ZFP64: variants seen among roughly 807,000 people sequenced by gnomAD.
ZFP64 encodes the protein zinc finger protein 64.
ZFP64 carries 14 observed loss-of-function variants against 51.6 expected under a neutral mutation model. The ratio of observed to expected loss-of-function variants is 0.27; its 90% CI spans 0.18 to 0.42. The LOEUF is 0.42. Ranked by LOEUF, ZFP64 falls within the 10% of genes least tolerant of loss-of-function variation. The pLI is 1.00. For missense variants in ZFP64, 754 were observed against 906.8 expected, an observed-to-expected ratio of 0.83 and a Z score of 2.16; for synonymous variants, 375 against 361.4, an observed-to-expected ratio of 1.04 and a Z score of -0.43.
At chr20:52,173,063 CT>C (rs1202749339) in intron 2 of ZFP64, among the ~76,000 whole-genome samples, 5 of 152,116 alleles carry the variant, frequency 3.3e-5, no homozygotes. Context: ...TCTGTGGAGT[CT>C]TAGGGCTCAC....
chr20:52,115,313 C>T (rs1333619264), intron 5 of ZFP64, among the ~76,000 whole-genome samples: 3 of 150,414 alleles, frequency 2.0e-5, no homozygotes, highest in African/African-American at 7.3e-5. Context: ...ATATATAGAT[C>T]TAAACACATA....
intron 5 of ZFP64, among the ~76,000 whole-genome samples, chr20:52,116,283 G>T (rs542889306): frequency 3.8e-4 from 57 of 151,742 alleles, no homozygotes; most frequent in South Asian, 1.0e-3. Context: ...TTACAGGCAT[G>T]CATCACCACG....
intron 5 of ZFP64, among the ~76,000 whole-genome samples, chr20:52,104,286 G>A (rs961594554): frequency 2.6e-5 from 4 of 152,212 alleles, no homozygotes; most frequent in Non-Finnish European, 5.9e-5. Flanking sequence ...AATTTGGCGA[G>A]CGAGAAAAGG....
chr20:52,185,965 A>C (rs965300412), intron 2 of ZFP64, among the ~76,000 whole-genome samples: 3 of 152,180 alleles, frequency 2.0e-5, no homozygotes, highest in African/African-American at 7.2e-5. Flanking sequence ...TATATGCCAC[A>C]AATTTTTCCC....
chr20:52,145,003 T>G (rs751065936), intron 5 of ZFP64, among the ~76,000 whole-genome samples: 3 of 152,138 alleles, frequency 2.0e-5, no homozygotes, highest in Non-Finnish European at 2.9e-5. Context: ...AAAAAGAGTA[T>G]CAGCCAAGAT....
exon 9 of ZFP64, chr20:52,084,966 A>T: frequency 6.2e-7 from 1 of 1,613,942 alleles, no homozygotes. Flanking sequence ...GTGCACGCGC[A>T]GGGCGGCCGC....
chr20:52,088,417 G>C (rs6096740), exon 8 of ZFP64: 1 of 1,612,048 alleles, frequency 6.2e-7, no homozygotes, highest in South Asian at 1.1e-5. Context: ...GGTGGACGGT[G>C]AGCTGGCTGG....
intron 5 of ZFP64, chr20:52,105,327 C>T (rs1344575631): frequency 3.2e-6 from 4 of 1,252,084 alleles, no homozygotes; most frequent in African/African-American, 1.5e-5. Flanking sequence ...CCCCTTCGGC[C>T]GGAACGCGCA....
chr20:52,182,071 T>C (rs916930818), intron 2 of ZFP64, among the ~76,000 whole-genome samples: 8 of 152,316 alleles, frequency 5.3e-5, no homozygotes, highest in Admixed American at 5.2e-4. Flanking sequence ...GAACCCAATT[T>C]CTCCATCTCA....
In ZFP64 at chr20:52,153,068, T is replaced by C. The variant is rs747571252; in HGVS notation, c.1124A>G (p.Tyr375Cys). The C allele has an allele frequency of 3.1e-6, 5 of 1,614,086 alleles. No homozygotes were observed. Among genetic ancestry groups the C allele is most frequent in the Non-Finnish European group, 4.2e-6 (5 of 1,180,050 alleles). ...GGGCTGTTTGGTGTCGAAGCTGCAG[T>C]AGTTGCACTTGAAAGGGCGGTCGGT... ...HCTDRPFKCN[Y>C]CSFDTKQPSN... The change falls in exon 6 of 6, where the codon TAC (tyrosine) becomes TGC (cysteine). Residue 375 changes from tyrosine (Y) to cysteine (C), a missense_variant. By Grantham distance (194) the Tyr-to-Cys change is radical (BLOSUM62 -2). This residue lies in a region of ZFP64 where 428 missense variants were observed against 472.4 expected (regional missense o/e 0.91). Transcript: ENST00000216923. This position sits in a 1 kb window ranked among gnomAD's most constrained non-coding sequence, Gnocchi z 5.1.
intron 7 of ZFP64, among the ~76,000 whole-genome samples, chr20:52,093,628 C>T (rs1023333945): frequency 6.6e-6 from 1 of 152,214 alleles, no homozygotes; most frequent in African/African-American, 2.4e-5. Flanking sequence ...GAAATGTGGT[C>T]GTACCACATT....
chr20:52,089,045 C>T (rs973341), intron 7 of ZFP64: 241,333 of 519,352 alleles, frequency 0.46, 57,007 homozygotes, highest in African/African-American at 0.54. Flanking sequence ...GGCATCTCCC[C>T]CTAGGCTGTT....
chr20:52,173,273 C>T (rs111661329), intron 2 of ZFP64, among the ~76,000 whole-genome samples: 3,580 of 152,254 alleles, frequency 0.024, 58 homozygotes, highest in African/African-American at 0.041. Flanking sequence ...ATTTTCTTCT[C>T]TACACAGAAA....
rs146691603 is a variant in ZFP64, at chr20:52,112,575, G to T, written c.764-13988C>A. On this transcript the variant is annotated intron_variant, in intron 5 of 8. Coordinates refer to the ZFP64 transcript ENST00000361387. ...ACAATGTTGTTTCTGATTGTCCTGG[G>T]CCTCTGGGGATGTGGGCACCCTGGT... is the stretch of plus-strand genomic sequence containing the variant. Among the ~76,000 whole-genome samples, 704 of 151,438 alleles carry T rather than the reference G, an allele frequency of 4.6e-3. 4 individuals are homozygous for T. Among genetic ancestry groups the T allele is most frequent in the African/African-American group, 0.016 (658 of 41,338 alleles).
chr20:52,106,418 A>T lies in ZFP64; in HGVS notation c.764-7831T>A, dbSNP rs116432659. On this transcript the variant is annotated intron_variant, in intron 5 of 8. Coordinates refer to the ZFP64 transcript ENST00000361387. ...GGGGGCCCTTGTTTCAAAAAGACCC[A>T]GCCAGGCTCATCTCCGAGTTTTTGG... 4.8e-3 allele frequency among the ~76,000 whole-genome samples: 734 copies of T among 152,190 alleles called. 5 individuals carry two copies. The highest frequency in any genetic ancestry group is 0.017 in the African/African-American group (707 of 41,518).
At chr20:52,145,249 C>G in intron 5 of ZFP64, among the ~76,000 whole-genome samples, 1 of 152,234 alleles carries the variant, frequency 6.6e-6, no homozygotes, top group South Asian at 2.1e-4. Context: ...TAGGGCGTAG[C>G]CTATGGCTCT....
Position 52,187,027 on chromosome 20 carries a change from G to A in ZFP64, c.91C>T (p.His31Tyr). The A allele has an allele frequency of 6.2e-7, 1 of 1,612,600 alleles. No individual in the cohort carries two copies. Among genetic ancestry groups the A allele is most frequent in the Non-Finnish European group, 8.5e-7 (1 of 1,178,684 alleles). The change falls in exon 2 of 6, where the codon CAT becomes TAT. Residue 31 changes from histidine (H) to tyrosine (Y), a missense_variant. By Grantham distance (83) the His-to-Tyr change is moderately conservative. Transcript: ENST00000216923. ...TGCTGCTTGCAGATGCCGCAGATATGGATGTCGGGAGTCAGCTCCACCAGC... is the reference window on the plus strand; with the variant it reads ...TGCTGCTTGCAGATGCCGCAGATATAGATGTCGGGAGTCAGCTCCACCAGC... Reference protein sequence around the residue: ...TVLVELTPDIHICGICKQQFN... With the variant: ...TVLVELTPDIYICGICKQQFN...
chr20:52,118,802 G>A (rs1029502056), intron 5 of ZFP64, among the ~76,000 whole-genome samples: 1 of 152,220 alleles, frequency 6.6e-6, no homozygotes, highest in African/African-American at 2.4e-5. Context: ...CCTCAGAGAG[G>A]TGGATTTGTA....
chr20:52,090,511 G>GT (rs2078911487), intron 7 of ZFP64, among the ~76,000 whole-genome samples: 1 of 152,102 alleles, frequency 6.6e-6, no homozygotes, highest in African/African-American at 2.4e-5. Flanking sequence ...AAAAGACTTG[G>GT]TTGGGGCGAC....
Sources: gnomAD v4.1 joint callset for allele counts (sites outside exome capture counted in the v4.1 genomes callset) on GRCh38, gnomAD v4.1.1 for gene constraint, gnomAD v4.1.1 regional missense constraint, Gnocchi (gnomAD v3.1) non-coding constraint, MANE v1.5 for transcripts, NCBI Gene and HGNC (gene_info 2026-07-23, HGNC 2026-07-21) for gene names.